Variants in HERC4 observed in about 807,000 individuals in gnomAD.
HERC4 encodes the protein HECT and RLD domain containing E3 ubiquitin protein ligase 4, also known as probable E3 ubiquitin-protein ligase HERC4.
A neutral mutation model predicts 124.3 loss-of-function variants in HERC4; 28 were observed. The observed-to-expected ratio is 0.23, with a 90% CI of 0.17 to 0.31. The LOEUF is 0.31. Among genes scored for constraint, HERC4 ranks in the 10% least tolerant of loss-of-function variants. The pLI is 1.00. For synonymous variants in HERC4, 407 were observed against 421.5 expected, an observed-to-expected ratio of 0.97 and a Z score of 0.42; for missense variants, 713 against 1,229.3, an observed-to-expected ratio of 0.58 and a Z score of 6.28.
chr10:67,959,045 C>T, intron 16 of HERC4: 4 of 1,335,952 alleles, frequency 3.0e-6, no homozygotes, highest in Middle Eastern at 1.9e-4. Flanking sequence ...ATCTTTGGCT[C>T]TTCTATTACT....
At chr10:68,020,948 G>A (rs187481491) in intron 8 of HERC4, among the ~76,000 whole-genome samples, 1 of 152,068 alleles carries the variant, frequency 6.6e-6, no homozygotes, top group African/African-American at 2.4e-5. Flanking sequence ...AGAGAGCCTA[G>A]GGGAACCATA....
At chr10:68,035,910 C>T (rs1360942180) in intron 5 of HERC4, among the ~76,000 whole-genome samples, 1 of 152,160 alleles carries the variant, frequency 6.6e-6, no homozygotes, top group Non-Finnish European at 1.5e-5. Flanking sequence ...TAGCCCTTAT[C>T]ATAGTATGTA....
intron 15 of HERC4, among the ~76,000 whole-genome samples, chr10:67,981,156 TTCACTTA>T (rs1170978991): frequency 1.2e-4 from 18 of 152,142 alleles, no homozygotes; most frequent in African/African-American, 4.3e-4. Flanking sequence ...AGAAACACAC[TTCACTTA>T]TAAAGACAAA....
At position 68,002,599 on chromosome 10, in the gene HERC4, CTTTT is replaced by C. The variant is rs375700847; in HGVS notation, c.1070-9921_1070-9918del. 1.3e-3 allele frequency among the ~76,000 whole-genome samples: 175 copies of C among 132,584 alleles called. 2 individuals are homozygous for C. Among genetic ancestry groups the C allele is most frequent in the African/African-American group, 4.3e-3 (159 of 36,736 alleles). 87.0% of individuals were successfully genotyped at this position (132,584 alleles called of 152,430 possible). A position where few individuals can be genotyped will look rare whatever the true frequency, so the allele number is the denominator to read the frequency against. On this transcript the variant is annotated intron_variant, in intron 9 of 24. Transcript: ENST00000373700. ...AAATGTTTAATTTTTTAAATTTTTACTTTTTTTTTTTTTTTTTGAGATGGATTCT... is the reference window on the plus strand; with the variant it reads ...AAATGTTTAATTTTTTAAATTTTTACTTTTTTTTTTTTTGAGATGGATTCT...
At chr10:67,950,067 T>G (rs1264045574) in intron 19 of HERC4, among the ~76,000 whole-genome samples, 1 of 151,888 alleles carries the variant, frequency 6.6e-6, no homozygotes, top group African/African-American at 2.4e-5. Context: ...GGAAAACCAT[T>G]ACACAAAAGA....
intron 9 of HERC4, among the ~76,000 whole-genome samples, chr10:68,002,958 T>A (rs796395455): frequency 2.8e-4 from 42 of 152,162 alleles, no homozygotes; most frequent in African/African-American, 9.6e-4. Context: ...ACATGAGACA[T>A]TGTGATACAG....
At chr10:68,050,910 T>C (rs1386034801) in intron 3 of HERC4, among the ~76,000 whole-genome samples, 3 of 152,086 alleles carry the variant, frequency 2.0e-5, no homozygotes, top group Non-Finnish European at 2.9e-5. Context: ...GGCCCAGTAA[T>C]GTTCCGTGTA....
At chr10:67,925,806 C>CTA (rs1279387465) in intron 23 of HERC4, among the ~76,000 whole-genome samples, 1 of 152,134 alleles carries the variant, frequency 6.6e-6, no homozygotes, top group Non-Finnish European at 1.5e-5. Context: ...TCAAACATCC[C>CTA]TATATGGAGA....
intron 23 of HERC4, among the ~76,000 whole-genome samples, chr10:67,927,406 ATATATATATATATATATATATATATTTTT>A (rs1564910695): frequency 2.1e-4 from 2 of 9,316 alleles, no homozygotes; most frequent in African/African-American, 2.8e-4. Flanking sequence ...ATATATATAT[ATATATATATATATATATATATATATTTTT>A]TTTTTTTTTT....
At chr10:68,006,195 TGAG>T (rs1345477398) in intron 9 of HERC4, among the ~76,000 whole-genome samples, 2 of 152,182 alleles carry the variant, frequency 1.3e-5, no homozygotes, top group African/African-American at 4.8e-5. Context: ...TTACTCAAGA[TGAG>T]TAGTGCGCAC....
chr10:68,010,333 C>T, intron 9 of HERC4: 1 of 935,702 alleles, frequency 1.1e-6, no homozygotes, highest in Non-Finnish European at 1.7e-6. Context: ...CCTGGGGCAC[C>T]AAAATGGGGC....
At chr10:67,945,076 A>G (rs2033220171) in intron 19 of HERC4, among the ~76,000 whole-genome samples, 2 of 152,324 alleles carry the variant, frequency 1.3e-5, no homozygotes, top group South Asian at 4.1e-4. Flanking sequence ...AACCTAGGGA[A>G]AGGTATCAAT....
intron 23 of HERC4, 44 bp downstream of exon 23, chr10:67,932,553 T>C (rs367603471): frequency 2.3e-5 from 34 of 1,510,832 alleles, no homozygotes; most frequent in Non-Finnish European, 2.4e-5. Flanking sequence ...TTTCCATATA[T>C]AAATCTTTCC....
chr10:67,963,823 C>A (rs550227120), intron 16 of HERC4, among the ~76,000 whole-genome samples: 7 of 152,228 alleles, frequency 4.6e-5, no homozygotes, highest in African/African-American at 1.4e-4. Flanking sequence ...TAAATTAAAT[C>A]TCTTTTATAC....
At chr10:68,034,772 C>T (rs954881800) in intron 5 of HERC4, among the ~76,000 whole-genome samples, 15 of 152,134 alleles carry the variant, frequency 9.9e-5, no homozygotes, top group Admixed American at 6.5e-4. Flanking sequence ...CTAAGTGACT[C>T]AGTAGCAAAA....
At chr10:67,996,413 T>C (rs957139178) in intron 9 of HERC4, among the ~76,000 whole-genome samples, 1 of 152,302 alleles carries the variant, frequency 6.6e-6, no homozygotes, top group South Asian at 2.1e-4. Flanking sequence ...CTGTAAATTG[T>C]AATTCTACTT....
At chr10:67,957,357 T>C (rs1364536614) in intron 16 of HERC4, among the ~76,000 whole-genome samples, 1 of 152,234 alleles carries the variant, frequency 6.6e-6, no homozygotes, top group Non-Finnish European at 1.5e-5. Flanking sequence ...AGGCTAATGA[T>C]AAGTAATCTG....
intron 9 of HERC4, among the ~76,000 whole-genome samples, chr10:68,005,668 A>G (rs2037499012): frequency 7.2e-6 from 1 of 139,066 alleles, no homozygotes; most frequent in Non-Finnish European, 1.6e-5. Context: ...GTATGTTTTA[A>G]TTTCCTTTTT....
chr10:68,039,362 T>C, intron 4 of HERC4: 2 of 1,475,080 alleles, frequency 1.4e-6, no homozygotes, highest in East Asian at 2.5e-5. Flanking sequence ...AAACGGGGGA[T>C]GGGGAGGTAC....
Sources: gnomAD v4.1 joint callset for allele counts (sites outside exome capture counted in the v4.1 genomes callset) on GRCh38, gnomAD v4.1.1 for gene constraint, MANE v1.5 for transcripts, NCBI Gene and HGNC (gene_info 2026-07-23, HGNC 2026-07-21) for gene names.